RAB3GAP1: variants seen among roughly 807,000 people sequenced by gnomAD.
The protein encoded by RAB3GAP1 is rab3 GTPase-activating protein catalytic subunit.
RAB3GAP1 carries 86 observed loss-of-function variants against 130.7 expected under a neutral mutation model. That is an observed-to-expected ratio of 0.66 (90% CI 0.55 to 0.79). The LOEUF is 0.79. RAB3GAP1 is among the 30% of genes least tolerant of loss of function. The pLI is 0.00. For missense variants in RAB3GAP1, 1,029 were observed against 1,169.4 expected, an observed-to-expected ratio of 0.88 and a Z score of 1.75; for synonymous variants, 367 against 401.7, an observed-to-expected ratio of 0.91 and a Z score of 1.03.
At chr2:135,096,388 GAA>G (rs1690291163) in intron 5 of RAB3GAP1, among the ~76,000 whole-genome samples, 1 of 152,008 alleles carries the variant, frequency 6.6e-6, no homozygotes, top group Non-Finnish European at 1.5e-5. Context: ...TTTTAAAAAA[GAA>G]AATTATTTGC....
Position 135,052,474 on chromosome 2 carries a change from G to C in RAB3GAP1, c.63G>C (p.Ser21=). The change falls in exon 2 of 24, where the codon TCG becomes TCC. Residue 21 remains serine (S), a synonymous_variant. Coordinates refer to ENST00000264158, the MANE Select transcript of RAB3GAP1 (RefSeq NM_012233.3). ...AGATCACGGACTTCACCACTGCCTCGGAATGGGAAAGGTGAGTGAATCGCA... is the reference window on the plus strand; with the variant it reads ...AGATCACGGACTTCACCACTGCCTCCGAATGGGAAAGGTGAGTGAATCGCA... ...VFEITDFTTA[S]EWERFISKVE... is the part of the protein sequence containing the mutation. 6.2e-7 allele frequency: 1 copy of C among 1,613,798 alleles called. No individual in the cohort carries two copies. Among genetic ancestry groups the C allele is most frequent in the South Asian group, 1.1e-5 (1 of 91,060 alleles).
rs138937070 is a variant in RAB3GAP1, at chr2:135,082,161, G to GAATGAATGAATGAATGAATGAATA, written c.151-8834_151-8833insGAATGAATGAATGAATGAATAAAT. ...TGTCTCAATGAATGAATGAATGAATGAATAAATAAATAAAGATTTTAATTG... is the reference window on the plus strand; with the variant it reads ...TGTCTCAATGAATGAATGAATGAATGAATGAATGAATGAATGAATGAATAAATAAATAAATAAAGATTTTAATTG... On this transcript the variant is annotated intron_variant, in intron 3 of 23. Transcript: ENST00000264158. Among the ~76,000 whole-genome samples, 1,472 of 150,330 alleles carry GAATGAATGAATGAATGAATGAATA rather than the reference G, an allele frequency of 9.8e-3. 30 individuals carry two copies. The highest frequency in any genetic ancestry group is 0.034 in the African/African-American group (1,370 of 40,404).
At chr2:135,117,483 G>GCTT (rs1367442367) in intron 7 of RAB3GAP1, among the ~76,000 whole-genome samples, 27 of 27,840 alleles carry the variant, frequency 9.7e-4, no homozygotes, top group African/African-American at 2.5e-3. Context: ...TGCTTCTTCT[G>GCTT]CTTCTTCTTC....
intron 5 of RAB3GAP1, among the ~76,000 whole-genome samples, chr2:135,098,617 A>G (rs2104887329): frequency 6.6e-6 from 1 of 152,278 alleles, no homozygotes; most frequent in African/African-American, 2.4e-5. Flanking sequence ...CCCAGCTGGC[A>G]AAAGGGGTGG....
At chr2:135,062,721 T>C (rs1689211092) in intron 3 of RAB3GAP1, among the ~76,000 whole-genome samples, 1 of 152,210 alleles carries the variant, frequency 6.6e-6, no homozygotes. Flanking sequence ...CATTTTGTAG[T>C]TTTGGTAGAG....
intron 4 of RAB3GAP1, among the ~76,000 whole-genome samples, chr2:135,093,325 A>G (rs1190919122): frequency 6.6e-6 from 1 of 152,206 alleles, no homozygotes; most frequent in African/African-American, 2.4e-5. Flanking sequence ...AGAAGAATAA[A>G]TAAAGCTTTC....
chr2:135,113,146 T>C lies in RAB3GAP1; in HGVS notation c.363-5T>C. 1 of 1,614,194 alleles carries C rather than the reference T, an allele frequency of 6.2e-7. No homozygotes were observed. The highest frequency in any genetic ancestry group is 1.1e-5 in the South Asian group (1 of 91,080). On this transcript the variant is annotated splice_region_variant and splice_polypyrimidine_tract_variant and intron_variant, in intron 5 of 23. Transcript: ENST00000264158. ...CTGTTTAATGCAGTTAATTCTTTTT[T>C]TAAGGTATGGGCTACGTGAGTTCGT...
intron 3 of RAB3GAP1, among the ~76,000 whole-genome samples, chr2:135,071,322 CA>C (rs1689466789): frequency 6.6e-6 from 1 of 152,086 alleles, no homozygotes; most frequent in Non-Finnish European, 1.5e-5. Flanking sequence ...TAATCCTAAT[CA>C]GTGGAAAGCA....
At chr2:135,118,845 C>T (rs1354026479) in intron 7 of RAB3GAP1, among the ~76,000 whole-genome samples, 1 of 152,010 alleles carries the variant, frequency 6.6e-6, no homozygotes, top group Non-Finnish European at 1.5e-5. Context: ...CCTCCAGTCC[C>T]ATACCTTCCG....
Position 135,052,317 on chromosome 2 carries a change from GACA to G in RAB3GAP1, c.11_13del (p.Asp4_Ser5delinsGly). 6.2e-7 allele frequency: 1 copy of G among 1,613,848 alleles called. No individual in the cohort carries two copies. Among genetic ancestry groups the G allele is most frequent in the Non-Finnish European group, 8.5e-7 (1 of 1,180,026 alleles). On this transcript the variant is annotated inframe_deletion, in exon 1 of 24. Coordinates refer to ENST00000264158, the MANE Select transcript of RAB3GAP1 (RefSeq NM_012233.3). ...CCCGGCGCTCCTCAAGATGGCTGCC[GACA>G]GTGAGGTGATTTCTTTGCTCCCTAC...
chr2:135,096,623 A>G (rs1690302986), intron 5 of RAB3GAP1, among the ~76,000 whole-genome samples: 1 of 152,216 alleles, frequency 6.6e-6, no homozygotes, highest in Non-Finnish European at 1.5e-5. Flanking sequence ...TGAGCTTTGT[A>G]TGCATTAATT....
intron 3 of RAB3GAP1, among the ~76,000 whole-genome samples, chr2:135,084,921 T>G (rs1246565128): frequency 6.6e-6 from 1 of 152,174 alleles, no homozygotes; most frequent in Admixed American, 6.5e-5. Flanking sequence ...AAAGGCAGAT[T>G]TTCTATAGGA....
chr2:135,123,598 A>T (rs1352458317), intron 8 of RAB3GAP1, among the ~76,000 whole-genome samples: 3 of 152,102 alleles, frequency 2.0e-5, no homozygotes, highest in African/African-American at 7.2e-5. Context: ...TCCTCAGGAG[A>T]GATAGAACTA....
intron 19 of RAB3GAP1, among the ~76,000 whole-genome samples, chr2:135,155,903 T>C (rs1692297865): frequency 6.6e-6 from 1 of 152,126 alleles, no homozygotes; most frequent in African/African-American, 2.4e-5. Flanking sequence ...AATCTAGTTC[T>C]TTTAAAATCA....
chr2:135,167,680 A>G lies in RAB3GAP1; in HGVS notation c.2710-865A>G, dbSNP rs150393483. ...CCCTTTCATCACTGTTTCTTTTCTTACCCCTTCTCAAGCTGACTGAATCTT... is the reference window on the plus strand; with the variant it reads ...CCCTTTCATCACTGTTTCTTTTCTTGCCCCTTCTCAAGCTGACTGAATCTT... On this transcript the variant is annotated intron_variant, in intron 23 of 23. Coordinates refer to ENST00000264158, the MANE Select transcript of RAB3GAP1 (RefSeq NM_012233.3). 4.7e-6 allele frequency: 7 copies of G among 1,488,172 alleles called. No individual in the cohort carries two copies. In the East Asian group the frequency reaches 9.8e-5, roughly 21 times the overall value. 92.2% of individuals were successfully genotyped at this position (1,488,172 alleles called of 1,614,324 possible). A position where few individuals can be genotyped will look rare whatever the true frequency, so the allele number is the denominator to read the frequency against.
Position 135,168,744 on chromosome 2 carries a change from T to G in RAB3GAP1, c.2909T>G (p.Leu970Arg). Residue 970 changes from leucine (L) to arginine (R), a missense_variant, in exon 24 of 24, where the codon CTT (leucine) becomes CGT (arginine). By Grantham distance (102) the Leu-to-Arg change is moderately radical. Transcript: ENST00000264158. The stretch of plus-strand genomic sequence containing the variant: ...GTTCTCACCAAAGAGGACTTTAGAC[T>G]TGCAGGTGCCTTTTCATCAGATACT... ...YSVLTKEDFR[L>R]AGAFSSDTSF... 6.2e-7 allele frequency: 1 copy of G among 1,614,182 alleles called. No homozygotes were observed. The highest frequency in any genetic ancestry group is 8.5e-7 in the Non-Finnish European group (1 of 1,179,992).
At chr2:135,139,569 T>G (rs1400341804) in intron 17 of RAB3GAP1, among the ~76,000 whole-genome samples, 10 of 150,340 alleles carry the variant, frequency 6.7e-5, no homozygotes, top group Non-Finnish European at 1.3e-4. Context: ...AAATAAAAAG[T>G]GCACAAATCT....
In RAB3GAP1 at chr2:135,150,379, C is replaced by G; in HGVS notation, c.1934C>G (p.Pro645Arg). Residue 645 changes from proline (P) to arginine (R), a missense_variant, in exon 18 of 24, where the codon CCT becomes CGT. Physicochemically the swap from Pro to Arg is moderately radical, Grantham distance 103. Transcript: ENST00000264158. ...TTTTGTGCTTCACAGGAACCAGCAC[C>G]TATGACAGAAGATCTGCTAGAAGAG... Reference protein sequence around the residue: ...LYIPVTQEPAPMTEDLLEEQS... With the variant: ...LYIPVTQEPARMTEDLLEEQS... 1 of 1,614,174 alleles carries G rather than the reference C, an allele frequency of 6.2e-7. No homozygotes were observed. Among genetic ancestry groups the G allele is most frequent in the Non-Finnish European group, 8.5e-7 (1 of 1,180,036 alleles).
intron 3 of RAB3GAP1, among the ~76,000 whole-genome samples, chr2:135,071,848 T>C (rs544109573): frequency 5.4e-4 from 82 of 152,352 alleles, no homozygotes; most frequent in African/African-American, 1.9e-3. Flanking sequence ...TGTTGGTCTG[T>C]CAGGAGACTC....
Sources: allele counts gnomAD v4.1 joint callset (sites outside exome capture counted in the v4.1 genomes callset), GRCh38; gene constraint gnomAD v4.1.1; transcripts MANE v1.5; gene names NCBI Gene and HGNC (gene_info 2026-07-23, HGNC 2026-07-21).